The following HMGA2 variants were observed in gnomAD, a reference collection of about 807,000 sequenced individuals.
The protein encoded by HMGA2 is high mobility group AT-hook 2.
Under a neutral mutation model 19.1 loss-of-function variants are expected in HMGA2, and 8 were observed. The observed-to-expected ratio is 0.42, with a 90% CI of 0.25 to 0.76. The LOEUF (loss-of-function observed/expected upper bound fraction) is 0.76, where lower values mean the gene tolerates loss of function less well. Ranked by LOEUF, HMGA2 falls within the 30% of genes least tolerant of loss-of-function variation. HMGA2 has a pLI of 0.28. For missense variants in HMGA2, 109 were observed against 136.3 expected (o/e 0.80, Z 1.00); for synonymous variants, 60 against 48.8 (o/e 1.23, Z -0.96).
At chr12:65,888,554 CTTTTT>C (rs1180942808) in intron 3 of HMGA2, among the ~76,000 whole-genome samples, 2 of 40,544 alleles carry the variant, frequency 4.9e-5, no homozygotes, top group Non-Finnish European at 8.3e-5. Flanking sequence ...GTGGTGTGCT[CTTTTT>C]TTTTTTTTTT....
At chr12:65,884,490 A>G (rs1873576296) in intron 3 of HMGA2, among the ~76,000 whole-genome samples, 1 of 152,244 alleles carries the variant, frequency 6.6e-6, no homozygotes, top group Non-Finnish European at 1.5e-5. Context: ...ATGACTGATC[A>G]ATATTAATGC....
chr12:65,905,100 T>G (rs1874532651), intron 3 of HMGA2, among the ~76,000 whole-genome samples: 1 of 152,156 alleles, frequency 6.6e-6, no homozygotes, highest in Non-Finnish European at 1.5e-5. Context: ...TATCAGTCTT[T>G]GAAATGCATG....
chr12:65,876,125 T>C (rs60335759), intron 3 of HMGA2, among the ~76,000 whole-genome samples: 3,850 of 152,206 alleles, frequency 0.025, 175 homozygotes, highest in African/African-American at 0.089. Context: ...TATAGGAATG[T>C]AGTAGGTACA....
chr12:65,882,583 C>T (rs1873474886), intron 3 of HMGA2, among the ~76,000 whole-genome samples: 1 of 152,206 alleles, frequency 6.6e-6, no homozygotes, highest in African/African-American at 2.4e-5. Flanking sequence ...TGGTTTTAAT[C>T]GCTCAGCTCT....
At chr12:65,886,551 G>C (rs531831885) in intron 3 of HMGA2, among the ~76,000 whole-genome samples, 3 of 152,142 alleles carry the variant, frequency 2.0e-5, no homozygotes, top group African/African-American at 4.8e-5. Context: ...TAGAGATGGA[G>C]TTTCACCATA....
At chr12:65,899,194 A>G (rs186553625) in intron 3 of HMGA2, among the ~76,000 whole-genome samples, 79 of 152,250 alleles carry the variant, frequency 5.2e-4, no homozygotes, top group Middle Eastern at 3.4e-3. Flanking sequence ...TCAGTTTATA[A>G]CTCGTGCTTC....
At position 65,883,283 on chromosome 12, in the gene HMGA2, G is replaced by A. The variant is rs144725098; in HGVS notation, c.249+44714G>A. On this transcript the variant is annotated intron_variant, in intron 3 of 4. Transcript: ENST00000403681. ...ATAGATGCAAAGGATAAGGAACTCG[G>A]TTTATAGCAACAGATACTCCAAAAG... 2.2e-3 allele frequency among the ~76,000 whole-genome samples: 328 copies of A among 152,306 alleles called. 1 individual carries two copies. The highest frequency in any genetic ancestry group is 0.01 in the Middle Eastern group (3 of 294).
intron 3 of HMGA2, among the ~76,000 whole-genome samples, chr12:65,844,084 C>G (rs1352166753): frequency 6.7e-6 from 1 of 150,292 alleles, no homozygotes; most frequent in Non-Finnish European, 1.5e-5. Flanking sequence ...TATATAACTG[C>G]AATGTTTAGA....
chr12:65,900,415 T>A (rs1210241444), intron 3 of HMGA2, among the ~76,000 whole-genome samples: 2 of 152,196 alleles, frequency 1.3e-5, no homozygotes, highest in Non-Finnish European at 2.9e-5. Flanking sequence ...CAAGGTAGAA[T>A]CTGTTCCTAG....
chr12:65,877,168 A>G (rs1406941490), intron 3 of HMGA2: 1 of 152,204 alleles, frequency 6.6e-6, no homozygotes, highest in Non-Finnish European at 1.5e-5. Flanking sequence ...AGAAAGAAAA[A>G]AGAAAGGTTT....
intron 3 of HMGA2, among the ~76,000 whole-genome samples, chr12:65,895,090 G>C (rs939664927): frequency 6.6e-6 from 1 of 152,110 alleles, no homozygotes; most frequent in African/African-American, 2.4e-5. Flanking sequence ...CTTTACTACA[G>C]TTTTGAAAAA....
intron 3 of HMGA2, among the ~76,000 whole-genome samples, chr12:65,892,227 A>G (rs1873940529): frequency 1.3e-5 from 2 of 152,212 alleles, no homozygotes; most frequent in East Asian, 1.9e-4. Flanking sequence ...AAAATGTGGC[A>G]GGAGGGCTAG....
intron 3 of HMGA2, among the ~76,000 whole-genome samples, chr12:65,862,276 T>TACACACACACACAC (rs34442419): frequency 3.3e-4 from 48 of 144,652 alleles, no homozygotes; most frequent in African/African-American, 1.1e-3. Flanking sequence ...AAATGCACCA[T>TACACACACACACAC]ACACACACAC....
chr12:65,919,585 T>G (rs1875230287), intron 3 of HMGA2, among the ~76,000 whole-genome samples: 1 of 152,228 alleles, frequency 6.6e-6, no homozygotes, highest in African/African-American at 2.4e-5. Flanking sequence ...TTCTTAAACA[T>G]TTATGTAAAT....
intron 3 of HMGA2, chr12:65,842,076 G>T: frequency 7.8e-7 from 1 of 1,286,420 alleles, no homozygotes; most frequent in Non-Finnish European, 1.0e-6. Flanking sequence ...GTGTGTGCGT[G>T]TGTGTGTAGA....
At chr12:65,925,615 T>G (rs1026345235) in intron 3 of HMGA2, among the ~76,000 whole-genome samples, 1 of 152,228 alleles carries the variant, frequency 6.6e-6, no homozygotes, top group South Asian at 2.1e-4. Flanking sequence ...AATTGCTCCC[T>G]GAACTGAATT....
intron 3 of HMGA2, among the ~76,000 whole-genome samples, chr12:65,886,399 G>A (rs560412747): frequency 2.8e-5 from 4 of 140,518 alleles, no homozygotes; most frequent in South Asian, 2.3e-4. Flanking sequence ...TCCCTCTATC[G>A]CCCAGGCTGG....
intron 3 of HMGA2, among the ~76,000 whole-genome samples, chr12:65,891,214 A>G (rs1401962571): frequency 6.6e-6 from 1 of 152,194 alleles, no homozygotes; most frequent in African/African-American, 2.4e-5. Flanking sequence ...ATAAATAAGC[A>G]TTATAACTCC....
intron 3 of HMGA2, among the ~76,000 whole-genome samples, chr12:65,896,193 T>C (rs1228555601): frequency 6.6e-6 from 1 of 152,230 alleles, no homozygotes; most frequent in African/African-American, 2.4e-5. Flanking sequence ...TTTCTTCAAA[T>C]GTTCATTGCA....
Sources: gnomAD v4.1 joint callset for allele counts (sites outside exome capture counted in the v4.1 genomes callset) on GRCh38, gnomAD v4.1.1 for gene constraint, MANE v1.5 for transcripts, NCBI Gene and HGNC (gene_info 2026-07-23, HGNC 2026-07-21) for gene names.